The following RTN4RL1 variants were observed in gnomAD, a reference collection of about 807,000 sequenced individuals.
RTN4RL1 encodes the protein reticulon 4 receptor like 1, also known as reticulon-4 receptor-like 1.
Under a neutral mutation model 25.6 loss-of-function variants are expected in RTN4RL1, and 7 were observed. The ratio of observed to expected loss-of-function variants is 0.27; its 90% CI spans 0.16 to 0.51. The LOEUF is 0.51. Ranked by LOEUF, RTN4RL1 falls within the 20% of genes least tolerant of loss-of-function variation. RTN4RL1 has a pLI of 0.97. For synonymous variants in RTN4RL1, 297 were observed against 288.2 expected (o/e 1.03, Z -0.31); for missense variants, 500 against 615.6 (o/e 0.81, Z 1.99).
At chr17:2,008,225 C>T (rs1470794185) in intron 1 of RTN4RL1, among the ~76,000 whole-genome samples, 2 of 150,482 alleles carry the variant, frequency 1.3e-5, no homozygotes, top group African/African-American at 2.4e-5. Flanking sequence ...GCCGAGATTG[C>T]GCCATTGCAA....
chr17:1,967,212 C>G (rs2066795391), intron 1 of RTN4RL1, among the ~76,000 whole-genome samples: 1 of 151,794 alleles, frequency 6.6e-6, no homozygotes, highest in Admixed American at 6.6e-5. Context: ...GGCTGGGAAT[C>G]AGGATTTTTG....
At chr17:1,978,506 C>T (rs1320538948) in intron 1 of RTN4RL1, among the ~76,000 whole-genome samples, 1 of 152,266 alleles carries the variant, frequency 6.6e-6, no homozygotes, top group African/African-American at 2.4e-5. Flanking sequence ...AGCCGGCCTC[C>T]CAGCAACAGC....
intron 1 of RTN4RL1, among the ~76,000 whole-genome samples, chr17:2,011,461 C>A (rs1373500457): frequency 6.6e-6 from 1 of 152,038 alleles, no homozygotes; most frequent in Non-Finnish European, 1.5e-5. Flanking sequence ...GAATTGGAGG[C>A]ACCTAGCTGT....
chr17:1,950,909 T>A (rs1334862425), intron 1 of RTN4RL1, among the ~76,000 whole-genome samples: 1 of 143,212 alleles, frequency 7.0e-6, no homozygotes, highest in African/African-American at 2.6e-5. Flanking sequence ...TCTCTCTCTC[T>A]CTCTGTCTCT....
At chr17:1,977,458 TC>T (rs2066847180) in intron 1 of RTN4RL1, among the ~76,000 whole-genome samples, 1 of 151,484 alleles carries the variant, frequency 6.6e-6, no homozygotes, top group Non-Finnish European at 1.5e-5. Flanking sequence ...CAGGCGGAGG[TC>T]CCCATCCCCC....
intron 1 of RTN4RL1, among the ~76,000 whole-genome samples, chr17:1,964,790 T>C (rs985048034): frequency 1.3e-4 from 12 of 93,222 alleles, no homozygotes; most frequent in Non-Finnish European, 3.0e-4. Flanking sequence ...TTTCTTTTCT[T>C]TTTTTTTTTT....
intron 1 of RTN4RL1, among the ~76,000 whole-genome samples, chr17:2,022,796 C>T (rs2067225672): frequency 1.3e-5 from 2 of 152,240 alleles, no homozygotes; most frequent in Admixed American, 6.5e-5. Context: ...GGAAACCTAT[C>T]GGTGGAACCT....
intron 1 of RTN4RL1, among the ~76,000 whole-genome samples, chr17:1,951,923 C>A (rs1254372442): frequency 2.0e-5 from 3 of 152,098 alleles, no homozygotes; most frequent in Non-Finnish European, 4.4e-5. Context: ...GGATGAAGAT[C>A]GAATGTGAGT....
At chr17:1,966,941 C>A (rs1231232940) in intron 1 of RTN4RL1, among the ~76,000 whole-genome samples, 1 of 152,186 alleles carries the variant, frequency 6.6e-6, no homozygotes, top group Non-Finnish European at 1.5e-5. Context: ...TGGCCCCTGG[C>A]CTTCCCAGCA....
At chr17:1,964,348 G>A (rs183894849) in intron 1 of RTN4RL1, among the ~76,000 whole-genome samples, 193 of 152,298 alleles carry the variant, frequency 1.3e-3, no homozygotes, top group African/African-American at 4.4e-3. Flanking sequence ...AGCTCTTTGA[G>A]AGGCTGAAGT....
rs1597495826 is a variant in RTN4RL1 at position 1,960,418 on chromosome 17, G to A, written c.14-22610C>T. Among the ~76,000 whole-genome samples the A allele has an allele frequency of 2.6e-5, 4 of 152,034 alleles. No individual in the cohort carries two copies. In the South Asian group the frequency reaches 8.3e-4, roughly 32 times the overall value. On this transcript the variant is annotated intron_variant, in intron 1 of 1. Transcript: ENST00000331238. ...TGCAGGCTGCTCACCAGCCCACGTC[G>A]CCCTCGTGAGCGGCCCCACCTCCCT...
chr17:1,942,052 CCCTCCCACCAGCCTCCTCGTCCCCT>C, intron 1 of RTN4RL1, among the ~76,000 whole-genome samples: 1 of 152,156 alleles, frequency 6.6e-6, no homozygotes, highest in Non-Finnish European at 1.5e-5. Context: ...AGCCCTGCAC[CCCTCCCACCAGCCTCCTCGTCCCCT>C]CCTGGGTGGG....
intron 1 of RTN4RL1, among the ~76,000 whole-genome samples, chr17:1,940,237 C>T (rs566044131): frequency 2.0e-5 from 3 of 152,318 alleles, no homozygotes; most frequent in African/African-American, 7.2e-5. Context: ...AATCATCGTA[C>T]ATAATTTGTT....
intron 1 of RTN4RL1, among the ~76,000 whole-genome samples, chr17:2,016,819 T>TC (rs1461543186): frequency 6.6e-6 from 1 of 152,110 alleles, no homozygotes; most frequent in Non-Finnish European, 1.5e-5. Context: ...CGGCCCTGCC[T>TC]CCCCTGAGGC....
In RTN4RL1 at chr17:2,024,909, C is replaced by G; in HGVS notation, c.-44G>C. On this transcript the variant is annotated 5_prime_UTR_variant, in exon 1 of 2. Coordinates refer to ENST00000331238, the MANE Select transcript of RTN4RL1 (RefSeq NM_178568.4). ...GCTCCGAGGTCGGCCTAGGCGCACTCCCTCCCGGGGTCCAGATTCAAATCC... is the reference window on the plus strand; with the variant it reads ...GCTCCGAGGTCGGCCTAGGCGCACTGCCTCCCGGGGTCCAGATTCAAATCC... 1 of 1,566,882 alleles carries G rather than the reference C, an allele frequency of 6.4e-7. No homozygotes were observed. Among genetic ancestry groups the G allele is most frequent in the Non-Finnish European group, 8.6e-7 (1 of 1,156,586 alleles).
At chr17:1,984,992 T>C (rs571349012) in intron 1 of RTN4RL1, among the ~76,000 whole-genome samples, 4 of 150,920 alleles carry the variant, frequency 2.7e-5, no homozygotes, top group African/African-American at 7.3e-5. Context: ...AAAAGAAAAA[T>C]AGGAGAAATG....
chr17:1,934,688 G>T lies in RTN4RL1; in HGVS notation c.*1808C>A, dbSNP rs1026517176. 6.6e-6 allele frequency: 1 copy of T among 152,580 alleles called. No homozygotes were observed. The highest frequency in any genetic ancestry group is 6.5e-5 in the Admixed American group (1 of 15,290). The allele number at this position is 152,580 out of a possible 1,614,324, so 9.5% of individuals were successfully genotyped here. ...AATGAAAAACAGGGTTCTTGTCCAA[G>T]ATCATTTATTGTTATTATTATTTTT... On this transcript the variant is annotated 3_prime_UTR_variant, in exon 2 of 2. Coordinates refer to ENST00000331238, the MANE Select transcript of RTN4RL1 (RefSeq NM_178568.4). This position sits in a 1 kb window ranked among gnomAD's most constrained non-coding sequence, Gnocchi z 4.0.
At chr17:1,991,589 T>C (rs1013710658) in intron 1 of RTN4RL1, among the ~76,000 whole-genome samples, 1 of 152,188 alleles carries the variant, frequency 6.6e-6, no homozygotes, top group African/African-American at 2.4e-5. Context: ...TTCTTTTGTG[T>C]ATTTCCAGAA....
intron 1 of RTN4RL1, among the ~76,000 whole-genome samples, chr17:1,939,100 C>T (rs987146579): frequency 6.6e-6 from 1 of 151,838 alleles, no homozygotes; most frequent in African/African-American, 2.4e-5. Context: ...CACCTGTAGT[C>T]TCAGCACTTT....
Sources: allele counts gnomAD v4.1 joint callset (sites outside exome capture counted in the v4.1 genomes callset), GRCh38; gene constraint gnomAD v4.1.1; non-coding constraint Gnocchi (gnomAD v3.1); transcripts MANE v1.5; gene names NCBI Gene and HGNC (gene_info 2026-07-23, HGNC 2026-07-21).